Variants in RASAL2 observed in about 807,000 individuals in gnomAD.
RASAL2 encodes RAS protein activator like 2.
A neutral mutation model predicts 128.9 loss-of-function variants in RASAL2; 58 were observed. That is an observed-to-expected ratio of 0.45 (90% CI 0.36 to 0.56). The LOEUF is 0.56. Among genes scored for constraint, RASAL2 ranks in the 20% least tolerant of loss-of-function variants. The pLI is 0.00. For synonymous variants in RASAL2, 561 were observed against 580.8 expected (o/e 0.97, Z 0.49); for missense variants, 1,360 against 1,601.6 (o/e 0.85, Z 2.57).
chr1:178,410,176 T>C (rs1451063732), intron 4 of RASAL2, among the ~76,000 whole-genome samples: 2 of 151,832 alleles, frequency 1.3e-5, no homozygotes, highest in Non-Finnish European at 2.9e-5. Context: ...GAAGAGTAGA[T>C]TAATGTGGAG....
At chr1:178,256,918 C>T (rs1665375297) in intron 1 of RASAL2, among the ~76,000 whole-genome samples, 2 of 152,152 alleles carry the variant, frequency 1.3e-5, no homozygotes, top group African/African-American at 4.8e-5. Flanking sequence ...AGGTGATCCA[C>T]CTGCCTCAGC....
intron 1 of RASAL2, among the ~76,000 whole-genome samples, chr1:178,268,464 C>G: frequency 6.6e-6 from 1 of 151,502 alleles, no homozygotes; most frequent in East Asian, 1.9e-4. Context: ...GAGCCTCCAT[C>G]TCAAAAAAAA....
intron 1 of RASAL2, among the ~76,000 whole-genome samples, chr1:178,118,263 C>T (rs1429364360): frequency 6.6e-6 from 1 of 152,046 alleles, no homozygotes; most frequent in Non-Finnish European, 1.5e-5. Flanking sequence ...GAAGAAACCT[C>T]CCCTCCACGG....
chr1:178,451,123 C>T (rs76842909), intron 9 of RASAL2, among the ~76,000 whole-genome samples: 222 of 152,292 alleles, frequency 1.5e-3, no homozygotes, highest in African/African-American at 5.2e-3. Flanking sequence ...TCCTTACTTG[C>T]ATCCGTGTTT....
intron 4 of RASAL2, among the ~76,000 whole-genome samples, chr1:178,415,383 ATCTT>A (rs1168224853): frequency 3.3e-5 from 5 of 152,044 alleles, no homozygotes; most frequent in Non-Finnish European, 5.9e-5. Context: ...TTTTCTAGTC[ATCTT>A]TCTATTACTG....
intron 3 of RASAL2, among the ~76,000 whole-genome samples, chr1:178,357,863 A>C (rs1381431204): frequency 1.3e-5 from 2 of 152,098 alleles, no homozygotes; most frequent in Admixed American, 6.6e-5. Flanking sequence ...CATTGTTTGA[A>C]TATAACAACA....
chr1:178,392,112 C>T (rs1571988250), intron 4 of RASAL2, among the ~76,000 whole-genome samples: 2 of 152,080 alleles, frequency 1.3e-5, no homozygotes. Flanking sequence ...GCATACTGTG[C>T]GTGGTATAAA....
At chr1:178,314,350 T>G (rs1668398892) in intron 3 of RASAL2, among the ~76,000 whole-genome samples, 1 of 152,222 alleles carries the variant, frequency 6.6e-6, no homozygotes, top group Non-Finnish European at 1.5e-5. Flanking sequence ...CCAAGTAGTA[T>G]TGGTGGTGAG....
chr1:178,127,869 A>G (rs184507685), intron 1 of RASAL2, among the ~76,000 whole-genome samples: 33 of 152,196 alleles, frequency 2.2e-4, no homozygotes, highest in African/African-American at 6.5e-4. Context: ...TTTACTGTAA[A>G]TGACTGGTAG....
chr1:178,138,106 A>G (rs1660393516), intron 1 of RASAL2, among the ~76,000 whole-genome samples: 1 of 152,222 alleles, frequency 6.6e-6, no homozygotes, highest in East Asian at 1.9e-4. Context: ...AGGAAGAGGA[A>G]GAAAAATATT....
chr1:178,294,636 G>A (rs75017776), intron 2 of RASAL2, among the ~76,000 whole-genome samples: 76 of 152,284 alleles, frequency 5.0e-4, no homozygotes, highest in Middle Eastern at 3.4e-3. Context: ...TCGATCAATC[G>A]AAAGAGAGCA....
At chr1:178,149,458 C>T (rs562087757) in intron 1 of RASAL2, among the ~76,000 whole-genome samples, 155 of 151,908 alleles carry the variant, frequency 1.0e-3, no homozygotes, top group African/African-American at 3.5e-3. Flanking sequence ...AAATTTTTGC[C>T]AGTACCTCTT....
At chr1:178,132,328 A>T (rs1660151920) in intron 1 of RASAL2, among the ~76,000 whole-genome samples, 2 of 150,612 alleles carry the variant, frequency 1.3e-5, no homozygotes, top group African/African-American at 4.9e-5. Flanking sequence ...AAGCGCTGGG[A>T]TTATAGGTGT....
At chr1:178,208,194 C>T (rs1384171893) in intron 1 of RASAL2, among the ~76,000 whole-genome samples, 2 of 152,084 alleles carry the variant, frequency 1.3e-5, no homozygotes, top group African/African-American at 2.4e-5. Context: ...TTTTAGGGAA[C>T]AAGGGAAGAC....
intron 3 of RASAL2, among the ~76,000 whole-genome samples, chr1:178,384,764 G>A (rs1159629266): frequency 6.6e-6 from 1 of 151,154 alleles, no homozygotes; most frequent in Admixed American, 6.6e-5. Flanking sequence ...ACAAAGAGGT[G>A]CTTAAATAGC....
At chr1:178,162,452 A>T (rs1661354258) in intron 1 of RASAL2, among the ~76,000 whole-genome samples, 1 of 120,516 alleles carries the variant, frequency 8.3e-6, no homozygotes, top group African/African-American at 3.2e-5. Context: ...AATATATATA[A>T]TATTAAATAT....
intron 3 of RASAL2, among the ~76,000 whole-genome samples, chr1:178,311,671 C>T (rs1668258750): frequency 6.6e-6 from 1 of 152,152 alleles, no homozygotes; most frequent in African/African-American, 2.4e-5. Flanking sequence ...CTCCACCTTT[C>T]TTCTCTCACT....
chr1:178,236,756 C>CTTTTT (rs549848632), intron 1 of RASAL2, among the ~76,000 whole-genome samples: 7 of 118,420 alleles, frequency 5.9e-5, no homozygotes, highest in Non-Finnish European at 1.0e-4. Context: ...TTGGACACTA[C>CTTTTT]TTTTTTTTTT....
chr1:178,292,181 A>C (rs1286504520), intron 2 of RASAL2, among the ~76,000 whole-genome samples: 3 of 152,190 alleles, frequency 2.0e-5, no homozygotes, highest in African/African-American at 7.2e-5. Flanking sequence ...AACTTTAATT[A>C]AATCATCATG....
Sources: allele counts gnomAD v4.1 joint callset (sites outside exome capture counted in the v4.1 genomes callset), GRCh38; gene constraint gnomAD v4.1.1; transcripts MANE v1.5; gene names NCBI Gene and HGNC (gene_info 2026-07-23, HGNC 2026-07-21).